COL19A1: variants seen among roughly 807,000 people sequenced by gnomAD.
COL19A1 encodes collagen alpha-1(XIX) chain.
Under a neutral mutation model 190.2 loss-of-function variants are expected in COL19A1, and 159 were observed. That is an observed-to-expected ratio of 0.84 (90% CI 0.73 to 0.95). The LOEUF is 0.95. COL19A1 is among the 40% of genes least tolerant of loss of function. The pLI, the probability that COL19A1 is intolerant of heterozygous loss-of-function variation, is 0.00. For missense variants in COL19A1, 1,418 were observed against 1,431.9 expected (o/e 0.99, Z 0.16); for synonymous variants, 509 against 458.9 (o/e 1.11, Z -1.39).
chr6:69,943,231 A>T (rs2150027019), intron 9 of COL19A1, among the ~76,000 whole-genome samples: 1 of 152,096 alleles, frequency 6.6e-6, no homozygotes. Flanking sequence ...CACCCATTTT[A>T]AAATCAGATT....
At chr6:69,883,141 C>T (rs72914559) in intron 2 of COL19A1, among the ~76,000 whole-genome samples, 3,081 of 152,208 alleles carry the variant, frequency 0.02, 43 homozygotes, top group Non-Finnish European at 0.031. Context: ...GGCTCTGAGG[C>T]GGCGGCATGC....
chr6:70,104,214 T>C (rs1243867985), intron 16 of COL19A1, among the ~76,000 whole-genome samples: 1 of 152,140 alleles, frequency 6.6e-6, no homozygotes, highest in East Asian at 1.9e-4. Context: ...ATTAGTCCAT[T>C]CTCATACTGC....
chr6:70,106,160 T>C (rs1783945155), intron 16 of COL19A1, among the ~76,000 whole-genome samples: 1 of 152,188 alleles, frequency 6.6e-6, no homozygotes, highest in South Asian at 2.1e-4. Flanking sequence ...GAAGGGACTC[T>C]AAGTCCCCAA....
chr6:70,152,368 C>A (rs754778425), intron 31 of COL19A1, among the ~76,000 whole-genome samples: 9 of 151,930 alleles, frequency 5.9e-5, no homozygotes, highest in Non-Finnish European at 1.2e-4. Context: ...TAATTGAATT[C>A]AAAAGACTCG....
chr6:70,098,816 T>C (rs1183608350), intron 15 of COL19A1: 1 of 170,592 alleles, frequency 5.9e-6, no homozygotes, highest in East Asian at 1.8e-4. Context: ...TCGGTGCAGC[T>C]TGGGGCCTTG....
chr6:70,136,337 G>A (rs768150829), intron 18 of COL19A1, among the ~76,000 whole-genome samples: 4 of 152,148 alleles, frequency 2.6e-5, no homozygotes, highest in Non-Finnish European at 5.9e-5. Flanking sequence ...CAGGATTAGA[G>A]ATGTTCACTG....
chr6:70,122,586 T>C (rs757732189), intron 17 of COL19A1, among the ~76,000 whole-genome samples: 2 of 152,118 alleles, frequency 1.3e-5, no homozygotes, highest in Non-Finnish European at 1.5e-5. Context: ...ATATTTGGGG[T>C]CTGATCACTT....
At chr6:70,124,853 C>T (rs1293533805) in intron 17 of COL19A1, among the ~76,000 whole-genome samples, 1 of 152,144 alleles carries the variant, frequency 6.6e-6, no homozygotes, top group Non-Finnish European at 1.5e-5. Flanking sequence ...CAATAACTTA[C>T]CAAACACTTT....
chr6:69,872,543 C>T (rs1430934018), intron 1 of COL19A1, among the ~76,000 whole-genome samples: 2 of 152,000 alleles, frequency 1.3e-5, no homozygotes, highest in Non-Finnish European at 1.5e-5. Flanking sequence ...TCTTTGGTTT[C>T]GATAGGTGCC....
intron 14 of COL19A1, among the ~76,000 whole-genome samples, chr6:70,052,079 T>A (rs990675537): frequency 6.6e-6 from 1 of 152,078 alleles, no homozygotes; most frequent in Non-Finnish European, 1.5e-5. Context: ...TTCAGGAACA[T>A]CAACAAAGAC....
At chr6:70,142,210 T>C (rs1786300994) in intron 22 of COL19A1, 134 bp downstream of exon 22, 2 of 790,894 alleles carry the variant, frequency 2.5e-6, no homozygotes, top group African/African-American at 1.7e-5. Flanking sequence ...GTTTCCATGG[T>C]GATTTTCCCC....
chr6:70,058,293 T>C (rs891625635), intron 14 of COL19A1, among the ~76,000 whole-genome samples: 2 of 152,046 alleles, frequency 1.3e-5, no homozygotes, highest in Non-Finnish European at 2.9e-5. Context: ...TATGAAATTG[T>C]TAAGTTTTAA....
At chr6:70,162,662 C>T (rs752223807) in intron 35 of COL19A1, among the ~76,000 whole-genome samples, 55 of 152,308 alleles carry the variant, frequency 3.6e-4, no homozygotes, top group African/African-American at 1.3e-3. Flanking sequence ...GCTTCAACTT[C>T]TCCACCTCAT....
chr6:69,894,194 G>A (rs1769558252), intron 2 of COL19A1, among the ~76,000 whole-genome samples: 1 of 152,066 alleles, frequency 6.6e-6, no homozygotes, highest in African/African-American at 2.4e-5. Flanking sequence ...TCTTTTCATC[G>A]ACAGTAGTTT....
chr6:69,883,908 A>G (rs1768733574), intron 2 of COL19A1, among the ~76,000 whole-genome samples: 1 of 152,070 alleles, frequency 6.6e-6, no homozygotes, highest in Admixed American at 6.6e-5. Context: ...CTTCTTAGCC[A>G]TTCGAGAGGA....
intron 14 of COL19A1, among the ~76,000 whole-genome samples, chr6:70,063,097 C>A (rs1168980328): frequency 6.6e-6 from 1 of 152,060 alleles, no homozygotes; most frequent in Non-Finnish European, 1.5e-5. Context: ...ACAAGGATAT[C>A]CAGAAATTGA....
chr6:69,951,600 G>C (rs1047601473), intron 9 of COL19A1, among the ~76,000 whole-genome samples: 1 of 151,796 alleles, frequency 6.6e-6, no homozygotes, highest in Admixed American at 6.6e-5. Context: ...CTAGATGTCA[G>C]AAAACCAGTG....
chr6:70,002,100 A>C (rs1219274462), intron 11 of COL19A1, among the ~76,000 whole-genome samples: 1 of 152,060 alleles, frequency 6.6e-6, no homozygotes, highest in Non-Finnish European at 1.5e-5. Context: ...ATCAAAAGCC[A>C]TTTCTGCATA....
At position 70,207,247 on chromosome 6, in the gene COL19A1, T is replaced by C. The variant is rs1767941060; in HGVS notation, c.3402T>C (p.His1134=). ...NPEDCLYPVS[H]AHQRTGGN ...AAGATTGCCTCTATCCTGTGTCTCA[T>C]GCCCATCAGCGCACAGGTGGGAATT... Residue 1134 remains histidine, a synonymous_variant, in exon 51 of 51, where the codon CAT becomes CAC. Coordinates refer to ENST00000620364, the MANE Select transcript of COL19A1 (RefSeq NM_001858.6). The C allele has an allele frequency of 1.2e-6, 2 of 1,613,950 alleles. No homozygotes were observed. The highest frequency in any genetic ancestry group is 1.7e-6 in the Non-Finnish European group (2 of 1,179,930).
Sources: allele counts gnomAD v4.1 joint callset (sites outside exome capture counted in the v4.1 genomes callset), GRCh38; gene constraint gnomAD v4.1.1; transcripts MANE v1.5; gene names NCBI Gene and HGNC (gene_info 2026-07-23, HGNC 2026-07-21).